HNF4G: variants seen among roughly 807,000 people sequenced by gnomAD.
HNF4G encodes the protein hepatocyte nuclear factor 4 gamma.
HNF4G carries 21 observed loss-of-function variants against 50.9 expected under a neutral mutation model. That is an observed-to-expected ratio of 0.41 (90% CI 0.29 to 0.59). HNF4G has a LOEUF of 0.59. HNF4G is among the 20% of genes least tolerant of loss of function. HNF4G has a pLI of 0.26. For missense variants in HNF4G, 527 were observed against 559.4 expected, an observed-to-expected ratio of 0.94 and a Z score of 0.58; for synonymous variants, 198 against 185.6, an observed-to-expected ratio of 1.07 and a Z score of -0.54.
At chr8:75,424,218 GA>G (rs1190296145) in intron 1 of HNF4G, among the ~76,000 whole-genome samples, 1 of 151,808 alleles carries the variant, frequency 6.6e-6, no homozygotes, top group East Asian at 1.9e-4. Flanking sequence ...ATTGATTATT[GA>G]ATTATTTTTT....
chr8:75,564,621 A>G lies in HNF4G; in HGVS notation c.*525A>G, dbSNP rs1161723751. 6.6e-6 allele frequency: 1 copy of G among 152,232 alleles called. No homozygotes were observed. Among genetic ancestry groups the G allele is most frequent in the African/African-American group, 2.4e-5 (1 of 41,460 alleles). The allele number at this position is 152,232 out of a possible 1,614,324, so 9.4% of individuals were successfully genotyped here. ...ATCTCTTATGGACAGTCTGTGGTAA[A>G]GAAGCAACTCTTTGCTTTAGAGTTA... On this transcript the variant is annotated 3_prime_UTR_variant, in exon 10 of 10. Coordinates refer to ENST00000396423, the MANE Select transcript of HNF4G (RefSeq NM_004133.5).
chr8:75,556,883 T>C (rs1010192198), intron 6 of HNF4G, among the ~76,000 whole-genome samples: 1 of 152,212 alleles, frequency 6.6e-6, no homozygotes, highest in African/African-American at 2.4e-5. Context: ...TACATGTATA[T>C]GTATATATAT....
chr8:75,551,090 T>C (rs1449358675), intron 3 of HNF4G, among the ~76,000 whole-genome samples: 1 of 152,110 alleles, frequency 6.6e-6, no homozygotes, highest in Non-Finnish European at 1.5e-5. Flanking sequence ...TTTTATTAAC[T>C]TTGAGAGAAT....
intron 1 of HNF4G, among the ~76,000 whole-genome samples, chr8:75,477,242 C>G (rs1812261590): frequency 6.6e-6 from 1 of 152,194 alleles, no homozygotes; most frequent in Non-Finnish European, 1.5e-5. Context: ...ATATGTTCCC[C>G]ATGGTCAGAG....
intron 1 of HNF4G, among the ~76,000 whole-genome samples, chr8:75,456,200 A>G (rs1459976501): frequency 6.6e-6 from 1 of 152,080 alleles, no homozygotes; most frequent in Non-Finnish European, 1.5e-5. Context: ...AGATCTTTAC[A>G]GGGTAGTGCA....
chr8:75,495,890 C>T (rs1430374247), intron 2 of HNF4G, among the ~76,000 whole-genome samples: 1 of 151,970 alleles, frequency 6.6e-6, no homozygotes, highest in Non-Finnish European at 1.5e-5. Context: ...TAGCCCTTAC[C>T]TTAATAAAGA....
chr8:75,548,310 T>G (rs1806850193), intron 3 of HNF4G, among the ~76,000 whole-genome samples: 1 of 152,160 alleles, frequency 6.6e-6, no homozygotes, highest in Non-Finnish European at 1.5e-5. Context: ...TTGTTGTTGT[T>G]CTCAATAACA....
At chr8:75,544,015 C>A in intron 2 of HNF4G, 36 bp downstream of exon 2, 2 of 1,516,826 alleles carry the variant, frequency 1.3e-6, no homozygotes, top group Non-Finnish European at 8.9e-7. Context: ...GTTATCTTTA[C>A]AGATGTTTCA....
chr8:75,442,833 C>T (rs370265667), intron 1 of HNF4G, among the ~76,000 whole-genome samples: 3 of 151,880 alleles, frequency 2.0e-5, no homozygotes, highest in African/African-American at 7.3e-5. Context: ...AAATAAAATG[C>T]CTATATTCTG....
intron 1 of HNF4G, among the ~76,000 whole-genome samples, chr8:75,420,685 G>T (rs1046273385): frequency 1.4e-4 from 21 of 152,112 alleles, no homozygotes; most frequent in Admixed American, 1.0e-3. Context: ...ATTTGTACAG[G>T]TGTCTTTTTT....
chr8:75,420,816 G>A (rs1810757687), intron 1 of HNF4G, among the ~76,000 whole-genome samples: 1 of 152,186 alleles, frequency 6.6e-6, no homozygotes. Flanking sequence ...AGGAAATTAG[G>A]ATGCCGAGTA....
rs762533311 is a variant in HNF4G at position 75,547,577 on chromosome 8, T to C, written c.288-10T>C. ...AGTTTTCTGCAAACTGATATATCTT[T>C]ATGTTATAGGTTCAGTCGGCAATGT... On this transcript the variant is annotated splice_polypyrimidine_tract_variant and intron_variant, in intron 2 of 9. Coordinates refer to ENST00000396423, the MANE Select transcript of HNF4G (RefSeq NM_004133.5). 11 of 1,566,182 alleles carry C rather than the reference T, an allele frequency of 7.0e-6. No individual in the cohort carries two copies. The highest frequency in any genetic ancestry group is 8.8e-6 in the Non-Finnish European group (10 of 1,137,700).
intron 1 of HNF4G, among the ~76,000 whole-genome samples, chr8:75,453,869 C>T (rs575768205): frequency 2.0e-5 from 3 of 152,124 alleles, no homozygotes; most frequent in Non-Finnish European, 2.9e-5. Flanking sequence ...CCTGTCCTTC[C>T]CAAATTCATA....
At position 75,551,429 on chromosome 8, in the gene HNF4G, A is replaced by C. The variant is rs374808528; in HGVS notation, c.424A>C (p.Thr142Pro). Reference protein sequence around the residue: ...ERDRISTRRSTFDGSNIPSIN... With the variant: ...ERDRISTRRSPFDGSNIPSIN... ...TGACAGAATAAGCACCAGAAGAAGC[A>C]CATTTGATGGCAGCAACATCCCCTC... Residue 142 changes from threonine (T) to proline (P), a missense_variant, in exon 4 of 10, where the codon ACA (threonine) becomes CCA (proline). Coordinates refer to ENST00000396423, the MANE Select transcript of HNF4G (RefSeq NM_004133.5). 19 of 1,613,500 alleles carry C rather than the reference A, an allele frequency of 1.2e-5. No homozygotes were observed. The East Asian group carries it at 1.8e-4, about 15-fold the overall frequency.
At chr8:75,553,270 T>C in intron 5 of HNF4G, 73 bp downstream of exon 5, 1 of 1,241,228 alleles carries the variant, frequency 8.1e-7, no homozygotes, top group Non-Finnish European at 1.2e-6. Context: ...TCTTTCCATA[T>C]TATTTGTAAT....
chr8:75,562,578 A>C (rs1480922449), intron 9 of HNF4G, among the ~76,000 whole-genome samples: 1 of 152,158 alleles, frequency 6.6e-6, no homozygotes, highest in Non-Finnish European at 1.5e-5. Flanking sequence ...TTAACAACAC[A>C]ATAAACATTG....
intron 1 of HNF4G, among the ~76,000 whole-genome samples, chr8:75,465,182 A>G (rs1227559286): frequency 2.0e-5 from 3 of 152,182 alleles, no homozygotes; most frequent in Admixed American, 2.0e-4. Context: ...CCTACAGCTA[A>G]CCCATGTAGC....
At chr8:75,454,182 A>C (rs1424369242) in intron 1 of HNF4G, among the ~76,000 whole-genome samples, 1 of 151,480 alleles carries the variant, frequency 6.6e-6, no homozygotes, top group African/African-American at 2.4e-5. Context: ...GAAGGCAACT[A>C]TCAGCAAGCC....
chr8:75,441,172 C>T (rs1811272542), intron 1 of HNF4G, among the ~76,000 whole-genome samples: 1 of 151,424 alleles, frequency 6.6e-6, no homozygotes, highest in South Asian at 2.1e-4. Flanking sequence ...TTTTATTATC[C>T]TAAGAATACT....
Sources: allele counts gnomAD v4.1 joint callset (sites outside exome capture counted in the v4.1 genomes callset), GRCh38; gene constraint gnomAD v4.1.1; transcripts MANE v1.5; gene names NCBI Gene and HGNC (gene_info 2026-07-23, HGNC 2026-07-21).